Variants in HDAC6 observed in about 807,000 individuals in gnomAD.
The protein encoded by HDAC6 is histone deacetylase 6.
HDAC6 carries 5 observed loss-of-function variants against 88.9 expected under a neutral mutation model. The observed-to-expected ratio is 0.06, with a 90% confidence interval of 0.03 to 0.12. HDAC6 has a LOEUF of 0.12. HDAC6 is among the 10% of genes least tolerant of loss of function. HDAC6 has a pLI of 1.00. For missense variants in HDAC6, 706 were observed against 1,014.4 expected (o/e 0.70, Z 4.13); for synonymous variants, 378 against 398.0 (o/e 0.95, Z 0.60).
At chrX:48,817,120 C>T (rs782388052) in intron 19 of HDAC6, 80 of 339,346 alleles carry the variant, frequency 2.4e-4, no homozygotes, top group African/African-American at 2.1e-3. Context: ...GGCGTGGCAG[C>T]AAGCGCCTGT....
chrX:48,821,899 G>A (rs1156654157), intron 23 of HDAC6, among the ~76,000 whole-genome samples: 3 of 112,085 alleles, frequency 2.7e-5, no homozygotes, highest in Non-Finnish European at 5.6e-5. Context: ...TATGTGCCCA[G>A]TACTGCTTGT....
chrX:48,814,060 A>G (rs928536448), intron 10 of HDAC6: 1 of 178,187 alleles, frequency 5.6e-6, no homozygotes, highest in African/African-American at 3.1e-5. Flanking sequence ...AGAGTACCCC[A>G]CAGAGTCAGG....
In HDAC6 at chrX:48,814,487, C is replaced by T; in HGVS notation, c.854C>T (p.Pro285Leu). The change falls in exon 11 of 29, where the codon CCC (proline) becomes CTC (leucine). Residue 285 changes from proline (P) to leucine (L), a missense_variant. Around this residue, in one of 9 missense-constraint regions of HDAC6, gnomAD observed 193 missense variants for 258.2 expected, o/e 0.75. Transcript: ENST00000334136. ...CGCTACGAGCAGGGTAGGTTCTGGC[C>T]CCACCTGAAGGCCTCTAACTGGTCC... ...IHRYEQGRFWPHLKASNWSTT... is the reference protein window; with the variant it reads ...IHRYEQGRFWLHLKASNWSTT... 2 of 1,211,385 alleles carry T rather than the reference C, an allele frequency of 1.7e-6. No individual in the cohort carries two copies. Among genetic ancestry groups the T allele is most frequent in the Non-Finnish European group, 1.1e-6 (1 of 894,997 alleles).
At position 48,806,767 on chromosome X, in the gene HDAC6, A is replaced by C. The variant is rs2147336811; in HGVS notation, c.632+61A>C. ...TTAAAGTCCTTCCTTCAAGTGTAAA[A>C]TGTATTGATATGGGTAATATATTCA... is the stretch of plus-strand genomic sequence containing the variant. On this transcript the variant is annotated intron_variant, in intron 8 of 28. Transcript: ENST00000334136. The C allele has an allele frequency of 1.1e-5, 7 of 623,563 alleles. No homozygotes were observed. In the East Asian group the frequency reaches 2.3e-4, roughly 21 times the overall value. The allele number at this position is 623,563 out of a possible 1,213,427, so 51.4% of individuals were successfully genotyped here.
intron 20 of HDAC6, chrX:48,817,740 A>C: frequency 2.4e-6 from 1 of 410,164 alleles, no homozygotes; most frequent in East Asian, 3.9e-5. Flanking sequence ...GACAGAACCC[A>C]GGTCTAGGCT....
intron 16 of HDAC6, 35 bp downstream of exon 16, chrX:48,815,677 A>T: frequency 8.8e-7 from 1 of 1,142,640 alleles, no homozygotes; most frequent in Non-Finnish European, 1.2e-6. Flanking sequence ...TGTGGGGTGG[A>T]CGTGGGATGA....
intron 10 of HDAC6, 109 bp downstream of exon 10, chrX:48,808,435 C>A: frequency 2.0e-6 from 1 of 510,216 alleles, no homozygotes; most frequent in Non-Finnish European, 3.3e-6. Context: ...TTCATGGGGC[C>A]TATCCTGGGA....
rs1557026831 is a variant in HDAC6 at position 48,814,671 on chromosome X, G to A, written c.934-4G>A. The stretch of plus-strand genomic sequence containing the variant: ...CATCCCCCATCACACTCCTGTGTCT[G>A]CAGGTGGGGATGCGGGATGCTGACT... On this transcript the variant is annotated splice_polypyrimidine_tract_variant and splice_region_variant and intron_variant, in intron 11 of 28. Coordinates refer to ENST00000334136, the MANE Select transcript of HDAC6 (RefSeq NM_006044.4). 2 of 1,209,862 alleles carry A rather than the reference G, an allele frequency of 1.7e-6. No homozygotes were observed. The highest frequency in any genetic ancestry group is 2.2e-6 in the Non-Finnish European group (2 of 894,213).
At chrX:48,814,390 A>G in intron 10 of HDAC6, 50 bp from the exon 11 acceptor site, 4 of 1,190,994 alleles carry the variant, frequency 3.4e-6, no homozygotes, top group Admixed American at 4.4e-5. Context: ...GGGGGTGTCT[A>G]TGGGGATTGA....
rs782767431 is a variant in HDAC6, at chrX:48,802,890, G to A, written c.113G>A (p.Gly38Glu). The A allele has an allele frequency of 5.0e-6, 6 of 1,208,149 alleles. No homozygotes were observed. In the South Asian group the frequency reaches 1.1e-4, roughly 21 times the overall value. Residue 38 changes from glycine to glutamate, a missense_variant, in exon 3 of 29, where the codon GGA (glycine) becomes GAA (glutamate). This residue lies in a region of HDAC6 where 193 missense variants were observed against 258.2 expected (regional missense o/e 0.75). Transcript: ENST00000334136. ...TCACAGAAGCGAAATATTAAAAAGG[G>A]AGCCGTTCCCCGCTCTATCCCCAAT... ...SVTSKRNIKK[G>E]AVPRSIPNLA...
In HDAC6 at chrX:48,823,228, C is replaced by T. The variant is rs1437634106; in HGVS notation, c.2829C>T (p.Val943=). Reference sequence around the variant, plus strand: ...GCCAGACCACCTCAGAGGAGGCTGTCGGGGGAGCCACTCCGGACCAGACCA... The same window carrying T: ...GCCAGACCACCTCAGAGGAGGCTGTTGGGGGAGCCACTCCGGACCAGACCA... ...MLGQTTSEEA[V]GGATPDQTTS... is the part of the protein sequence containing the mutation. The change falls in exon 25 of 29, where the codon GTC becomes GTT. Residue 943 remains valine (V), a synonymous_variant. Transcript: ENST00000334136. The T allele has an allele frequency of 1.7e-5, 20 of 1,195,910 alleles. No homozygotes were observed. The highest frequency in any genetic ancestry group is 3.6e-5 in the South Asian group (2 of 55,021).
intron 16 of HDAC6, 109 bp downstream of exon 16, chrX:48,815,751 T>C: frequency 2.0e-6 from 2 of 998,721 alleles, no homozygotes; most frequent in Non-Finnish European, 2.8e-6. Context: ...TGGGAGAGGG[T>C]CAGGCCCTCT....
Position 48,823,510 on chromosome X carries a change from G to T in HDAC6, c.3111G>T (p.Val1037=). ...ACCAGACCCCCCCAACCTCACCTGT[G>T]CAGGGAACTACACCCCAGATATCTC... ...TDHQTPPTSP[V]QGTTPQISPS... is the part of the protein sequence containing the mutation. The change falls in exon 25 of 29, where the codon GTG becomes GTT. Residue 1037 remains valine (V), a synonymous_variant. Coordinates refer to ENST00000334136, the MANE Select transcript of HDAC6 (RefSeq NM_006044.4). 8.3e-7 allele frequency: 1 copy of T among 1,210,592 alleles called. No individual in the cohort carries two copies. Among genetic ancestry groups the T allele is most frequent in the Non-Finnish European group, 1.1e-6 (1 of 894,893 alleles).
chrX:48,802,474 CG>C, intron 1 of HDAC6, 188 bp from the exon 2 acceptor site: 1 of 1,062,995 alleles, frequency 9.4e-7, no homozygotes, highest in African/African-American at 1.9e-5. Context: ...CGGGCGGGGC[CG>C]GGTAGAATGG....
At chrX:48,817,609 G>C (rs1365729323) in intron 20 of HDAC6, 150 bp downstream of exon 20, 4 of 503,566 alleles carry the variant, frequency 7.9e-6, no homozygotes, top group Non-Finnish European at 1.3e-5. Flanking sequence ...CCCAGAGAAG[G>C]ACCGAGGATG....
chrX:48,816,055 A>G lies in HDAC6; in HGVS notation c.1493+3A>G. ...AATCACTGCAACTTGTGGGACAGGT[A>G]GGCATTTGGAGGGCTGGATGAGTAG... On this transcript the variant is annotated splice_donor_region_variant and intron_variant, in intron 17 of 28. Coordinates refer to ENST00000334136, the MANE Select transcript of HDAC6 (RefSeq NM_006044.4). 8.3e-7 allele frequency: 1 copy of G among 1,210,848 alleles called. No individual in the cohort carries two copies. Among genetic ancestry groups the G allele is most frequent in the Non-Finnish European group, 1.1e-6 (1 of 894,740 alleles).
At chrX:48,814,339 T>A in intron 10 of HDAC6, 101 bp from the exon 11 acceptor site, 1 of 819,606 alleles carries the variant, frequency 1.2e-6, no homozygotes, top group Non-Finnish European at 1.7e-6. Flanking sequence ...AGTGGTTGAA[T>A]GGGGAAATGA....
chrX:48,817,200 C>T (rs1557027970), intron 19 of HDAC6, 126 bp from the exon 20 acceptor site: 4 of 788,137 alleles, frequency 5.1e-6, no homozygotes, highest in East Asian at 8.0e-5. Context: ...TGCAGTGAGC[C>T]GAGATGGCGC....
rs782641811 is a variant in HDAC6, at chrX:48,823,048, C to G, written c.2649C>G (p.Thr883=). Residue 883 remains threonine, a synonymous_variant, in exon 25 of 29, where the codon ACC becomes ACG. Coordinates refer to ENST00000334136, the MANE Select transcript of HDAC6 (RefSeq NM_006044.4). ...KVLEAGMGKV[T]SASFGEESTP... is the part of the protein sequence containing the mutation. Reference sequence around the variant, plus strand: ...TGGAAGCAGGCATGGGGAAAGTCACCTCGGCATCATTTGGGGAAGAGTCCA... The same window carrying G: ...TGGAAGCAGGCATGGGGAAAGTCACGTCGGCATCATTTGGGGAAGAGTCCA... 2.5e-6 allele frequency: 3 copies of G among 1,211,354 alleles called. No individual in the cohort carries two copies. Among genetic ancestry groups the G allele is most frequent in the East Asian group, 5.9e-5 (2 of 33,832 alleles).
Sources: gnomAD v4.1 joint callset for allele counts (sites outside exome capture counted in the v4.1 genomes callset) on GRCh38, gnomAD v4.1.1 for gene constraint, gnomAD v4.1.1 regional missense constraint, MANE v1.5 for transcripts, NCBI Gene and HGNC (gene_info 2026-07-23, HGNC 2026-07-21) for gene names.